AKAP13: variants seen among roughly 807,000 people sequenced by gnomAD.
AKAP13 encodes A-kinase anchor protein 13.
Under a neutral mutation model 264.5 loss-of-function variants are expected in AKAP13, and 80 were observed. That is an observed-to-expected ratio of 0.30 (90% CI 0.25 to 0.36). AKAP13 has a LOEUF of 0.36. AKAP13 is among the 10% of genes least tolerant of loss of function. The pLI, the probability that AKAP13 is intolerant of heterozygous loss-of-function variation, is 1.00. For missense variants in AKAP13, 3,712 were observed against 3,435.2 expected (o/e 1.08, Z -2.01); for synonymous variants, 1,380 against 1,250.2 (o/e 1.10, Z -2.19).
At chr15:85,729,023 A>G (rs745985477) in intron 29 of AKAP13, among the ~76,000 whole-genome samples, 34 of 152,132 alleles carry the variant, frequency 2.2e-4, no homozygotes, top group Non-Finnish European at 4.3e-4. Context: ...TCAGTTGGCC[A>G]GGCTCGGTGG....
rs569014607 is a variant in AKAP13 at position 85,476,415 on chromosome 15, G to A, written c.-11-9295G>A. 2.0e-5 allele frequency among the ~76,000 whole-genome samples: 3 copies of A among 152,338 alleles called. No homozygotes were observed. In the South Asian group the frequency reaches 6.2e-4, roughly 32 times the overall value. The stretch of plus-strand genomic sequence containing the variant: ...TAGGGATCGACACAGTGATGAGGAT[G>A]TCCTGAGAGATGTGGTAGCTGAATG... On this transcript the variant is annotated intron_variant, in intron 1 of 36. Coordinates refer to ENST00000394518, the MANE Select transcript of AKAP13 (RefSeq NM_007200.5).
chr15:85,584,874 A>T (rs1030297481), intron 7 of AKAP13, among the ~76,000 whole-genome samples: 2 of 152,156 alleles, frequency 1.3e-5, no homozygotes, highest in Non-Finnish European at 2.9e-5. Context: ...TTCCATTTGC[A>T]TTTGGATTAT....
chr15:85,398,971 A>G (rs913190748), intron 1 of AKAP13, among the ~76,000 whole-genome samples: 1 of 151,972 alleles, frequency 6.6e-6, no homozygotes, highest in Non-Finnish European at 1.5e-5. Context: ...TCTTTCCTCT[A>G]TGCTATTATA....
In AKAP13 at chr15:85,639,000, C is replaced by G. The variant is rs1247308226; in HGVS notation, c.4162-374C>G. Among the ~76,000 whole-genome samples the G allele has an allele frequency of 3.9e-5, 6 of 152,276 alleles. No individual in the cohort carries two copies. The East Asian group carries it at 1.2e-3, about 29-fold the overall frequency. On this transcript the variant is annotated intron_variant, in intron 8 of 36. Transcript: ENST00000394518. The stretch of plus-strand genomic sequence containing the variant: ...TCTTGAACTCCTGGCCTCAAGCAGT[C>G]CTCCCACCTCAGCCTCCCAAAGTGT...
intron 1 of AKAP13, among the ~76,000 whole-genome samples, chr15:85,470,885 C>T (rs6497194): frequency 0.54 from 81,622 of 152,064 alleles, 22,586 homozygotes; most frequent in Admixed American, 0.64. Flanking sequence ...GCTATAACAT[C>T]ATGACTGCAG....
At chr15:85,521,299 C>T (rs2076815944) in intron 2 of AKAP13, 129 bp from the exon 3 acceptor site, 2 of 1,109,298 alleles carry the variant, frequency 1.8e-6, no homozygotes, top group Non-Finnish European at 2.6e-6. Context: ...ATACTTGTTT[C>T]AGCTTACCAG....
intron 1 of AKAP13, among the ~76,000 whole-genome samples, chr15:85,445,386 T>C (rs188507654): frequency 1.1e-4 from 17 of 152,350 alleles, no homozygotes; most frequent in Non-Finnish European, 2.2e-4. Flanking sequence ...CTGACTGATA[T>C]GTTCTAATTC....
intron 13 of AKAP13, among the ~76,000 whole-genome samples, chr15:85,667,761 A>G (rs1182268128): frequency 6.6e-6 from 1 of 152,172 alleles, no homozygotes; most frequent in African/African-American, 2.4e-5. Flanking sequence ...GCTTTTTTCC[A>G]GGTTTTTGGA....
rs189749575 is a variant in AKAP13, at chr15:85,521,245, G to A, written c.34-183G>A. ...CTTATTTTCAGGTTCATTCTGTATTGTGAATGCCTAGATGATTGCCTGGTG... is the reference window on the plus strand; with the variant it reads ...CTTATTTTCAGGTTCATTCTGTATTATGAATGCCTAGATGATTGCCTGGTG... On this transcript the variant is annotated intron_variant, in intron 2 of 36. Transcript: ENST00000394518. Among the ~76,000 whole-genome samples the A allele has an allele frequency of 2.6e-3, 394 of 152,280 alleles. 2 individuals are homozygous for A. Among genetic ancestry groups the A allele is most frequent in the Non-Finnish European group, 3.4e-3 (231 of 68,028 alleles).
At chr15:85,395,639 A>G (rs898873065) in intron 1 of AKAP13, among the ~76,000 whole-genome samples, 2 of 152,214 alleles carry the variant, frequency 1.3e-5, no homozygotes, top group African/African-American at 4.8e-5. Context: ...GATTGTATGT[A>G]TAAGACAAGA....
chr15:85,505,979 A>C (rs995190455), intron 2 of AKAP13, among the ~76,000 whole-genome samples: 1 of 152,144 alleles, frequency 6.6e-6, no homozygotes, highest in Non-Finnish European at 1.5e-5. Flanking sequence ...CAGTCATCTT[A>C]AGTATTTAAG....
rs1390844327 is a variant in AKAP13 at position 85,575,152 on chromosome 15, C to T, written c.684C>T (p.Asp228=). The stretch of plus-strand genomic sequence containing the variant: ...GTAGGGAGAATGCTGGAGAACCAGA[C>T]TCCTGGAGCAGTTTATCCTATGAAA... The part of the protein sequence containing the change: ...LLTEENAGEP[D]SWSSLSYEIP... The change falls in exon 6 of 37, where the codon GAC becomes GAT. Residue 228 remains aspartate (D), a synonymous_variant. Coordinates refer to ENST00000394518, the MANE Select transcript of AKAP13 (RefSeq NM_007200.5). 8 of 1,614,124 alleles carry T rather than the reference C, an allele frequency of 5.0e-6. No individual in the cohort carries two copies. The highest frequency in any genetic ancestry group is 1.1e-5 in the South Asian group (1 of 91,086).
At position 85,544,194 on chromosome 15, in the gene AKAP13, A is replaced by G. The variant is rs902766282; in HGVS notation, c.662+239A>G. ...CTCGTCTGCCTGCCTGCCTTCTTCA[A>G]TTCTTATCTCTTATATTTTACTATT... On this transcript the variant is annotated intron_variant, in intron 5 of 36. Coordinates refer to ENST00000394518, the MANE Select transcript of AKAP13 (RefSeq NM_007200.5). 37 of 651,014 alleles carry G rather than the reference A, an allele frequency of 5.7e-5. No homozygotes were observed. In the Middle Eastern group the frequency reaches 1.2e-3, roughly 21 times the overall value. The allele number at this position is 651,014 out of a possible 1,614,324, so 40.3% of individuals were successfully genotyped here.
rs543280688 is a variant in AKAP13 at position 85,688,594 on chromosome 15, G to A, written c.5289+3721G>A. Among the ~76,000 whole-genome samples, 3 of 152,266 alleles carry A rather than the reference G, an allele frequency of 2.0e-5. No individual in the cohort carries two copies. In the East Asian group the frequency reaches 5.8e-4, roughly 29 times the overall value. ...GATTAACCTAGATATATTCCATTCA[G>A]TTGTATAATTGTGATGATAAACAGT... On this transcript the variant is annotated intron_variant, in intron 16 of 36. Coordinates refer to ENST00000394518, the MANE Select transcript of AKAP13 (RefSeq NM_007200.5).
chr15:85,500,625 G>T (rs958724344), intron 2 of AKAP13, among the ~76,000 whole-genome samples: 4 of 152,166 alleles, frequency 2.6e-5, no homozygotes, highest in African/African-American at 9.7e-5. Flanking sequence ...TGATTGATCG[G>T]TTGGTGATGC....
At position 85,656,833 on chromosome 15, in the gene AKAP13, A is replaced by G. The variant is rs150461828; in HGVS notation, c.4745+1046A>G. 2.1e-3 allele frequency among the ~76,000 whole-genome samples: 321 copies of G among 152,342 alleles called. 2 individuals are homozygous for G. Among genetic ancestry groups the G allele is most frequent in the Admixed American group, 3.7e-3 (56 of 15,294 alleles). The stretch of plus-strand genomic sequence containing the variant: ...AAGAATGAGTATGGTAGTGCCTACT[A>G]TATTTACAAGAGTGTGCTTATTCCA... On this transcript the variant is annotated intron_variant, in intron 11 of 36. Coordinates refer to ENST00000394518, the MANE Select transcript of AKAP13 (RefSeq NM_007200.5).
chr15:85,603,520 C>A (rs755950982), intron 8 of AKAP13, among the ~76,000 whole-genome samples: 1 of 152,208 alleles, frequency 6.6e-6, no homozygotes, highest in Admixed American at 6.5e-5. Context: ...GCCCATGTTG[C>A]AGATTCTTGC....
Position 85,478,626 on chromosome 15 carries a change from C to A in AKAP13, c.-11-7084C>A, listed in dbSNP as rs534441250. On this transcript the variant is annotated intron_variant, in intron 1 of 36. Coordinates refer to ENST00000394518, the MANE Select transcript of AKAP13 (RefSeq NM_007200.5). ...TGCTGTTGTTTTAATTTGCTATGTTCTTTTGTTTTACTGTTGAATGTTACC... is the reference window on the plus strand; with the variant it reads ...TGCTGTTGTTTTAATTTGCTATGTTATTTTGTTTTACTGTTGAATGTTACC... 2.4e-4 allele frequency among the ~76,000 whole-genome samples: 36 copies of A among 152,082 alleles called. No homozygotes were observed. The South Asian group carries it at 7.5e-3, about 32-fold the overall frequency.
In AKAP13 at chr15:85,580,031, A is replaced by G. The variant is rs371267734; in HGVS notation, c.1963A>G (p.Thr655Ala). The change falls in exon 7 of 37, where the codon ACA becomes GCA. Residue 655 changes from threonine (T) to alanine (A), a missense_variant. Transcript: ENST00000394518. ...QKGKSSPICS[T>A]TGDDKLCADS... is the part of the protein sequence containing the mutation. ...GGGCAAATCCTCACCCATTTGTTCTACAACTGGAGACGATAAACTTTGTGC... is the reference window on the plus strand; with the variant it reads ...GGGCAAATCCTCACCCATTTGTTCTGCAACTGGAGACGATAAACTTTGTGC... 17 of 1,614,094 alleles carry G rather than the reference A, an allele frequency of 1.1e-5. No homozygotes were observed. In the African/African-American group the frequency reaches 2.3e-4, roughly 22 times the overall value.
Sources: allele counts gnomAD v4.1 joint callset (sites outside exome capture counted in the v4.1 genomes callset), GRCh38; gene constraint gnomAD v4.1.1; transcripts MANE v1.5; gene names NCBI Gene and HGNC (gene_info 2026-07-23, HGNC 2026-07-21).